Variants in ICE2 observed in about 807,000 individuals in gnomAD.
ICE2 encodes interactor of little elongation complex ELL subunit 2, also known as little elongation complex subunit 2.
In ICE2, 87 loss-of-function variants were observed where a neutral mutation model predicts 105.4. The observed-to-expected ratio is 0.83, with a 90% CI of 0.69 to 0.99. The LOEUF (loss-of-function observed/expected upper bound fraction) is 0.99, where lower values mean the gene tolerates loss of function less well. ICE2 is among the 50% of genes least tolerant of loss of function. ICE2 has a pLI of 0.00. For synonymous variants in ICE2, 399 were observed against 392.0 expected (o/e 1.02, Z -0.21); for missense variants, 1,323 against 1,146.7 (o/e 1.15, Z -2.22).
At chr15:60,470,516 C>T (rs2064561056) in intron 3 of ICE2, among the ~76,000 whole-genome samples, 1 of 152,100 alleles carries the variant, frequency 6.6e-6, no homozygotes, top group South Asian at 2.1e-4. Flanking sequence ...CAGTACTATC[C>T]TGCATATTTT....
At chr15:60,450,261 T>C (rs2063933930) in intron 9 of ICE2, among the ~76,000 whole-genome samples, 1 of 152,170 alleles carries the variant, frequency 6.6e-6, no homozygotes, top group Admixed American at 6.5e-5. Flanking sequence ...CCTCTGCCAC[T>C]GTGAGGACGC....
In ICE2 at chr15:60,468,118, C is replaced by G. The variant is rs1448939028; in HGVS notation, c.351G>C (p.Lys117Asn). 2.5e-6 allele frequency: 4 copies of G among 1,613,720 alleles called. No homozygotes were observed. The highest frequency in any genetic ancestry group is 1.6e-4 in the Middle Eastern group (1 of 6,080). Residue 117 changes from lysine to asparagine, a missense_variant, in exon 4 of 16, where the codon AAG becomes AAC. Lys to Asn is a moderately conservative substitution (Grantham distance 94). Coordinates refer to ENST00000261520, the MANE Select transcript of ICE2 (RefSeq NM_024611.6). ...SYVDLLVKYA[K>N]IPANSKAVGI... is the part of the protein sequence containing the mutation. Reference sequence around the variant, plus strand: ...CAACAGCTTTGGAATTTGCAGGAATCTTTGCGTATTTAACCAACAAGTCCA... The same window carrying G: ...CAACAGCTTTGGAATTTGCAGGAATGTTTGCGTATTTAACCAACAAGTCCA...
chr15:60,442,515 C>T lies in ICE2; in HGVS notation c.2326G>A (p.Glu776Lys). The T allele has an allele frequency of 6.3e-7, 1 of 1,586,926 alleles. No homozygotes were observed. The highest frequency in any genetic ancestry group is 8.5e-7 in the Non-Finnish European group (1 of 1,173,490). ...TCAACTCCATAACAAGCTTGATACT[C>T]TACTTTTGGTAGTACATAAACTGGA... ...QFPVYVLPKVEYQACYGVEAL... is the reference protein window; with the variant it reads ...QFPVYVLPKVKYQACYGVEAL... Residue 776 changes from glutamate to lysine, a missense_variant, in exon 12 of 16, where the codon GAG becomes AAG. Glu to Lys is a moderately conservative substitution (Grantham distance 56, BLOSUM62 1). Coordinates refer to ENST00000261520, the MANE Select transcript of ICE2 (RefSeq NM_024611.6).
chr15:60,461,207 C>T (rs185761443), intron 5 of ICE2, among the ~76,000 whole-genome samples: 51 of 152,138 alleles, frequency 3.4e-4, no homozygotes, highest in Admixed American at 2.7e-3. Flanking sequence ...TCACTAACCA[C>T]AAAAATTTTT....
chr15:60,448,116 C>T lies in ICE2; in HGVS notation c.2149G>A (p.Glu717Lys). 5 of 1,611,918 alleles carry T rather than the reference C, an allele frequency of 3.1e-6. No individual in the cohort carries two copies. The highest frequency in any genetic ancestry group is 4.2e-6 in the Non-Finnish European group (5 of 1,178,504). Residue 717 changes from glutamate to lysine, a missense_variant, in exon 11 of 16, where the codon GAA (glutamate) becomes AAA (lysine). Physicochemically the swap from Glu to Lys is moderately conservative, Grantham distance 56. Transcript: ENST00000261520. The part of the protein sequence containing the change: ...RLPYELQDYV[E>K]DTSEYLAPQE... ...GGAGCTAGGTATTCCGATGTATCTTCAACATAGTCCTGAAGTTCATATGGC... is the reference window on the plus strand; with the variant it reads ...GGAGCTAGGTATTCCGATGTATCTTTAACATAGTCCTGAAGTTCATATGGC...
At chr15:60,456,236 T>TTAAATA (rs59663893) in intron 6 of ICE2, among the ~76,000 whole-genome samples, 147,789 of 151,406 alleles carry the variant, frequency 0.98, 72,213 homozygotes, top group Middle Eastern at 1. Flanking sequence ...TGCTTAAAAT[T>TTAAATA]TAATGTCTAT....
Position 60,447,964 on chromosome 15 carries a change from A to C in ICE2, c.2295+6T>G, listed in dbSNP as rs2063860634. 6.2e-7 allele frequency: 1 copy of C among 1,605,540 alleles called. No homozygotes were observed. Among genetic ancestry groups the C allele is most frequent in the South Asian group, 1.1e-5 (1 of 89,470 alleles). On this transcript the variant is annotated splice_donor_region_variant and intron_variant, in intron 11 of 15. Coordinates refer to ENST00000261520, the MANE Select transcript of ICE2 (RefSeq NM_024611.6). Reference sequence around the variant, plus strand: ...TCATATTCTAACTCCGCAAATAACAACTTACTCTTCTGATTTTCTTCCGTT... The same window carrying C: ...TCATATTCTAACTCCGCAAATAACACCTTACTCTTCTGATTTTCTTCCGTT...
chr15:60,444,787 C>T (rs537662150), intron 11 of ICE2, among the ~76,000 whole-genome samples: 10 of 152,230 alleles, frequency 6.6e-5, no homozygotes, highest in South Asian at 2.1e-4. Flanking sequence ...TGGGTTCAAG[C>T]GATTCTCCTG....
intron 5 of ICE2, among the ~76,000 whole-genome samples, chr15:60,462,170 A>C (rs530389689): frequency 2.6e-5 from 4 of 152,368 alleles, no homozygotes; most frequent in Admixed American, 1.3e-4. Context: ...AAGGGAAAGC[A>C]TATCTTTTAA....
intron 6 of ICE2, 104 bp from the exon 7 acceptor site, chr15:60,455,546 C>A: frequency 1.4e-6 from 1 of 700,108 alleles, no homozygotes; most frequent in Non-Finnish European, 2.4e-6. Context: ...CTTTATAATT[C>A]TACTAAATGT....
At chr15:60,465,268 T>C (rs1450785748) in intron 5 of ICE2, among the ~76,000 whole-genome samples, 1 of 152,050 alleles carries the variant, frequency 6.6e-6, no homozygotes, top group East Asian at 1.9e-4. Flanking sequence ...CAAGGCTCAC[T>C]GCAGCCTCCA....
chr15:60,459,993 GATTTT>G (rs1002474876), intron 5 of ICE2, among the ~76,000 whole-genome samples: 8 of 152,112 alleles, frequency 5.3e-5, no homozygotes, highest in African/African-American at 1.9e-4. Context: ...GAGATTATCA[GATTTT>G]ATTTTTAAAA....
intron 15 of ICE2, among the ~76,000 whole-genome samples, chr15:60,426,708 C>T (rs1023064233): frequency 2.6e-5 from 4 of 152,106 alleles, no homozygotes; most frequent in African/African-American, 9.7e-5. Context: ...TACATTTTTC[C>T]TTTCACTTAA....
intron 8 of ICE2, among the ~76,000 whole-genome samples, chr15:60,454,102 CCA>C (rs746189794): frequency 1.5e-4 from 23 of 152,076 alleles, no homozygotes; most frequent in Non-Finnish European, 2.1e-4. Context: ...GAAATATTTA[CCA>C]CATAGAATAT....
intron 12 of ICE2, chr15:60,438,909 T>G (rs1209118578): frequency 6.6e-6 from 1 of 152,234 alleles, no homozygotes; most frequent in African/African-American, 2.4e-5. Context: ...CACAGTGTGC[T>G]GTACAAATAT....
rs1371713209 is a variant in ICE2 at position 60,428,455 on chromosome 15, A to C, written c.2794T>G (p.Ser932Ala). 3 of 1,614,040 alleles carry C rather than the reference A, an allele frequency of 1.9e-6. No homozygotes were observed. ...TTTTGTTGTGTTGTGGTATCCAGTG[A>C]TTTCGGTGGAAAAGTACAAGGTATT... is the stretch of plus-strand genomic sequence containing the variant. ...GRIPCTFPPK[S>A]LDTTTQQKIG... is the part of the protein sequence containing the mutation. The change falls in exon 15 of 16, where the codon TCA becomes GCA. Residue 932 changes from serine to alanine, a missense_variant. Transcript: ENST00000261520.
intron 3 of ICE2, among the ~76,000 whole-genome samples, chr15:60,469,419 C>T (rs938841502): frequency 7.2e-5 from 11 of 151,814 alleles, no homozygotes; most frequent in African/African-American, 9.7e-5. Context: ...AACAAACCAG[C>T]GCATCCTGCA....
chr15:60,471,130 T>C (rs2141157345), intron 3 of ICE2, among the ~76,000 whole-genome samples: 1 of 152,220 alleles, frequency 6.6e-6, no homozygotes, highest in Admixed American at 6.5e-5. Context: ...GACCACTCTC[T>C]CAGAGCTAAA....
chr15:60,427,765 C>A (rs1378662632), intron 15 of ICE2, among the ~76,000 whole-genome samples: 2 of 152,160 alleles, frequency 1.3e-5, no homozygotes, highest in African/African-American at 4.8e-5. Context: ...ATTTCCTACA[C>A]AATATACAGA....
Sources: allele counts gnomAD v4.1 joint callset (sites outside exome capture counted in the v4.1 genomes callset), GRCh38; gene constraint gnomAD v4.1.1; transcripts MANE v1.5; gene names NCBI Gene and HGNC (gene_info 2026-07-23, HGNC 2026-07-21).